Variants in ANKS1B observed in about 807,000 individuals in gnomAD.
The protein encoded by ANKS1B is ankyrin repeat and sterile alpha motif domain-containing protein 1B.
Under a neutral mutation model 148.3 loss-of-function variants are expected in ANKS1B, and 36 were observed. The observed-to-expected ratio is 0.24, with a 90% confidence interval of 0.19 to 0.32. The LOEUF (loss-of-function observed/expected upper bound fraction) is 0.32, where lower values mean the gene tolerates loss of function less well. Ranked by LOEUF, ANKS1B falls within the 10% of genes least tolerant of loss-of-function variation. ANKS1B has a pLI of 1.00. For missense variants in ANKS1B, 1,157 were observed against 1,542.6 expected (o/e 0.75, Z 4.19); for synonymous variants, 542 against 560.8 (o/e 0.97, Z 0.47).
At chr12:99,733,771 G>T (rs1031062885) in intron 8 of ANKS1B, among the ~76,000 whole-genome samples, 1 of 152,084 alleles carries the variant, frequency 6.6e-6, no homozygotes. Context: ...TCTAGTTGGG[G>T]TGTTAAATAA....
At chr12:99,191,206 G>GA (rs1482799854) in intron 14 of ANKS1B, among the ~76,000 whole-genome samples, 3 of 152,178 alleles carry the variant, frequency 2.0e-5, no homozygotes, top group Admixed American at 6.5e-5. Flanking sequence ...ACAGATGCTG[G>GA]AGAGGATACG....
chr12:99,518,913 T>C (rs1357894883), intron 9 of ANKS1B, among the ~76,000 whole-genome samples: 1 of 152,114 alleles, frequency 6.6e-6, no homozygotes, highest in Non-Finnish European at 1.5e-5. Flanking sequence ...TACATTTTGG[T>C]ATGTTGTGTT....
intron 12 of ANKS1B, among the ~76,000 whole-genome samples, chr12:99,294,953 A>C (rs2080642388): frequency 6.6e-6 from 1 of 152,212 alleles, no homozygotes; most frequent in African/African-American, 2.4e-5. Flanking sequence ...AAAGAATATA[A>C]TTGGAAGGTT....
At chr12:99,931,676 TG>T (rs2094619899) in intron 1 of ANKS1B, among the ~76,000 whole-genome samples, 1 of 152,212 alleles carries the variant, frequency 6.6e-6, no homozygotes, top group Admixed American at 6.5e-5. Context: ...TATGTATTTA[TG>T]GGGTACATGA....
At chr12:98,918,551 C>T (rs530513180) in intron 17 of ANKS1B, among the ~76,000 whole-genome samples, 2 of 152,182 alleles carry the variant, frequency 1.3e-5, no homozygotes, top group Non-Finnish European at 2.9e-5. Flanking sequence ...TGATGAATAT[C>T]ATTGCACATC....
intron 9 of ANKS1B, among the ~76,000 whole-genome samples, chr12:99,624,814 T>C (rs2098093361): frequency 6.6e-6 from 1 of 152,036 alleles, no homozygotes; most frequent in Non-Finnish European, 1.5e-5. Flanking sequence ...AAACTACTTC[T>C]GCCACTGTGG....
intron 14 of ANKS1B, among the ~76,000 whole-genome samples, chr12:99,223,056 A>G (rs920272980): frequency 1.3e-5 from 2 of 152,206 alleles, no homozygotes; most frequent in Non-Finnish European, 2.9e-5. Context: ...CTTTTAAAGT[A>G]TGTTTGCATT....
At chr12:99,754,292 A>G (rs891542026) in intron 8 of ANKS1B, among the ~76,000 whole-genome samples, 2 of 152,194 alleles carry the variant, frequency 1.3e-5, no homozygotes, top group Non-Finnish European at 2.9e-5. Flanking sequence ...AAAGGGTTCA[A>G]TTAAGAAGAT....
chr12:98,917,848 G>A (rs571751264), intron 17 of ANKS1B, among the ~76,000 whole-genome samples: 1 of 152,126 alleles, frequency 6.6e-6, no homozygotes, highest in African/African-American at 2.4e-5. Context: ...ATCACACAAG[G>A]TACTCAACCC....
intron 10 of ANKS1B, among the ~76,000 whole-genome samples, chr12:99,450,091 T>C (rs959181041): frequency 2.6e-5 from 4 of 152,178 alleles, no homozygotes; most frequent in African/African-American, 4.8e-5. Context: ...ACCAAGGAAG[T>C]TGATGCTGTA....
chr12:99,290,536 A>T (rs1183437872), intron 12 of ANKS1B, among the ~76,000 whole-genome samples: 1 of 152,068 alleles, frequency 6.6e-6, no homozygotes, highest in Non-Finnish European at 1.5e-5. Context: ...AAATAAGAGC[A>T]GTCCAAATTC....
chr12:99,240,950 G>T (rs11537478), intron 14 of ANKS1B, among the ~76,000 whole-genome samples: 9,580 of 152,256 alleles, frequency 0.063, 594 homozygotes, highest in South Asian at 0.22. Flanking sequence ...AAGCAGGAAA[G>T]ATCTAAAATT....
intron 1 of ANKS1B, among the ~76,000 whole-genome samples, chr12:99,863,729 A>T (rs2090356073): frequency 6.6e-6 from 1 of 151,802 alleles, no homozygotes; most frequent in South Asian, 2.1e-4. Context: ...AAATAAAAAA[A>T]AAAATTCTTG....
At chr12:99,018,899 C>T (rs1319435538) in intron 17 of ANKS1B, among the ~76,000 whole-genome samples, 3 of 152,106 alleles carry the variant, frequency 2.0e-5, no homozygotes, top group Admixed American at 6.5e-5. Flanking sequence ...ACTGAGATTG[C>T]GCCACTGCAG....
At position 99,109,715 on chromosome 12, in the gene ANKS1B, A is replaced by G. The variant is rs191962374; in HGVS notation, c.2527-24692T>C. On this transcript the variant is annotated intron_variant, in intron 15 of 26. Coordinates refer to ENST00000683438, the MANE Select transcript of ANKS1B (RefSeq NM_001352186.2). ...TGTGACTAAGGTCACCTAGCTGGGA[A>G]ATTCTAGAGCTGGCATTTAAATCTA... 2.6e-5 allele frequency among the ~76,000 whole-genome samples: 4 copies of G among 152,300 alleles called. No homozygotes were observed. The East Asian group carries it at 7.7e-4, about 29-fold the overall frequency.
At chr12:99,523,478 T>C (rs2096895240) in intron 9 of ANKS1B, among the ~76,000 whole-genome samples, 1 of 151,816 alleles carries the variant, frequency 6.6e-6, no homozygotes, top group Admixed American at 6.6e-5. Context: ...AGTATAAAAC[T>C]GGCTGCTTAC....
intron 12 of ANKS1B, among the ~76,000 whole-genome samples, chr12:99,283,346 T>C (rs1602396490): frequency 6.6e-6 from 1 of 152,148 alleles, no homozygotes; most frequent in Non-Finnish European, 1.5e-5. Context: ...AGTCCAACAG[T>C]GTTGGCTATG....
intron 9 of ANKS1B, among the ~76,000 whole-genome samples, chr12:99,519,234 G>T (rs948755799): frequency 2.6e-5 from 4 of 152,042 alleles, no homozygotes; most frequent in Admixed American, 1.3e-4. Context: ...TCTATTAAGT[G>T]AATTTGATGT....
chr12:99,037,145 T>A (rs2099956061), intron 17 of ANKS1B, among the ~76,000 whole-genome samples: 1 of 152,208 alleles, frequency 6.6e-6, no homozygotes, highest in Non-Finnish European at 1.5e-5. Flanking sequence ...TTTATTTACA[T>A]ATTACCAAAG....
Sources: allele counts gnomAD v4.1 joint callset (sites outside exome capture counted in the v4.1 genomes callset), GRCh38; gene constraint gnomAD v4.1.1; transcripts MANE v1.5; gene names NCBI Gene and HGNC (gene_info 2026-07-23, HGNC 2026-07-21).